FKBP4: variants seen among roughly 807,000 people sequenced by gnomAD.
FKBP4 encodes the protein peptidyl-prolyl cis-trans isomerase FKBP4.
Under a neutral mutation model 54.1 loss-of-function variants are expected in FKBP4, and 28 were observed. The observed-to-expected ratio is 0.52, with a 90% CI of 0.38 to 0.71. The LOEUF is 0.71. FKBP4 is among the 30% of genes least tolerant of loss of function. The pLI, the probability that FKBP4 is intolerant of heterozygous loss-of-function variation, is 0.00. For synonymous variants in FKBP4, 223 were observed against 216.1 expected, an observed-to-expected ratio of 1.03 and a Z score of -0.28; for missense variants, 493 against 574.4, an observed-to-expected ratio of 0.86 and a Z score of 1.45.
chr12:2,798,619 A>C lies in FKBP4; in HGVS notation c.394-87A>C. The C allele has an allele frequency of 6.3e-7, 1 of 1,597,140 alleles. No individual in the cohort carries two copies. The highest frequency in any genetic ancestry group is 2.2e-5 in the East Asian group (1 of 44,492). ...TGTGGTCAGATCCGGCCTGGCAGTT[A>C]GTAGGGACTCTCTCGGATGAGAAAG... On this transcript the variant is annotated intron_variant, in intron 3 of 9. Coordinates refer to ENST00000001008, the MANE Select transcript of FKBP4 (RefSeq NM_002014.4). This position sits in a 1 kb window ranked among gnomAD's most constrained non-coding sequence, Gnocchi z 4.3.
chr12:2,802,306 T>A (rs931360068), intron 9 of FKBP4, among the ~76,000 whole-genome samples: 8 of 151,916 alleles, frequency 5.3e-5, no homozygotes, highest in African/African-American at 1.9e-4. Flanking sequence ...CCCGGCTAAT[T>A]TTTGTATTTT....
intron 1 of FKBP4, chr12:2,796,669 C>T (rs2153919151): frequency 1.8e-6 from 2 of 1,089,962 alleles, no homozygotes; most frequent in Non-Finnish European, 2.2e-6. Context: ...ACTCCTCTCG[C>T]TCTCCTGTCT....
At chr12:2,797,330 G>A (rs1417173351) in intron 2 of FKBP4, 48 bp downstream of exon 2, 1 of 1,605,504 alleles carries the variant, frequency 6.2e-7, no homozygotes, top group African/African-American at 1.3e-5. Flanking sequence ...GTGGACACAA[G>A]CTGTCACAAG....
At position 2,796,143 on chromosome 12, in the gene FKBP4, A is replaced by ATGCC. The variant is rs756680587; in HGVS notation, c.105+901_105+904dup. On this transcript the variant is annotated intron_variant, in intron 1 of 9. Coordinates refer to ENST00000001008, the MANE Select transcript of FKBP4 (RefSeq NM_002014.4). ...ATGGTGAATTCCCAGCCTGCGTCTT[A>ATGCC]TGCCTTCTCCCCATCCGCTGCTGCG... The ATGCC allele has an allele frequency of 3.6e-3, 4,445 of 1,251,706 alleles. 8 individuals carry two copies. Among genetic ancestry groups the ATGCC allele is most frequent in the Non-Finnish European group, 4.2e-3 (4,090 of 970,108 alleles). The allele number at this position is 1,251,706 out of a possible 1,614,324, so 77.5% of individuals were successfully genotyped here. A position where few individuals can be genotyped will look rare whatever the true frequency, so the allele number is the denominator to read the frequency against.
intron 8 of FKBP4, among the ~76,000 whole-genome samples, chr12:2,800,864 T>A (rs2097904353): frequency 6.6e-6 from 1 of 152,258 alleles, no homozygotes; most frequent in African/African-American, 2.4e-5. Flanking sequence ...ACTTGCTTTA[T>A]TCTAAAGTGA....
Position 2,799,235 on chromosome 12 carries a change from T to C in FKBP4, c.662T>C (p.Leu221Pro). The C allele has an allele frequency of 6.6e-7, 1 of 1,515,576 alleles. No individual in the cohort carries two copies. Among genetic ancestry groups the C allele is most frequent in the Non-Finnish European group, 8.8e-7 (1 of 1,132,358 alleles). 93.9% of individuals were successfully genotyped at this position (1,515,576 alleles called of 1,614,324 possible). A position where few individuals can be genotyped will look rare whatever the true frequency, so the allele number is the denominator to read the frequency against. ...AAAGGAGAACATTCCATCGTGTACC[T>C]CAAGCCCAGGTGAGGGGTGGGCACT... ...MEKGEHSIVY[L>P]KPSYAFGSVG... The change falls in exon 5 of 10, where the codon CTC (leucine) becomes CCC (proline). Residue 221 changes from leucine (L) to proline (P), a missense_variant. By Grantham distance (98) the Leu-to-Pro change is moderately conservative. Coordinates refer to ENST00000001008, the MANE Select transcript of FKBP4 (RefSeq NM_002014.4).
rs557785187 is a variant in FKBP4, at chr12:2,794,997, G to C, written c.-143G>C. ...TACCCCAGCTCTCGCGCCGCGTGCA[G>C]AGGTGCTCAAGCCTCCTCGCGGTCC... On this transcript the variant is annotated 5_prime_UTR_variant, in exon 1 of 10. Coordinates refer to ENST00000001008, the MANE Select transcript of FKBP4 (RefSeq NM_002014.4). The C allele has an allele frequency of 2.2e-5, 8 of 367,204 alleles. No individual in the cohort carries two copies. Among genetic ancestry groups the C allele is most frequent in the African/African-American group, 1.5e-4 (7 of 46,688 alleles). 22.7% of individuals were successfully genotyped at this position (367,204 alleles called of 1,614,324 possible).
intron 1 of FKBP4, chr12:2,796,804 TC>T (rs1383499982): frequency 6.4e-6 from 7 of 1,097,854 alleles, no homozygotes; most frequent in Middle Eastern, 4.2e-4. Flanking sequence ...GGTCTAATCT[TC>T]CAACAACTGT....
Position 2,795,394 on chromosome 12 carries a change from G to A in FKBP4, c.105+150G>A. On this transcript the variant is annotated intron_variant, in intron 1 of 9. Transcript: ENST00000001008. This position sits in a 1 kb window ranked among gnomAD's most constrained non-coding sequence, Gnocchi z 4.3. ...CCCGCCGGGGGCCGGTGGCATCGCCGTCCCGGACCGGGCTGCGTCGTTTAA... is the reference window on the plus strand; with the variant it reads ...CCCGCCGGGGGCCGGTGGCATCGCCATCCCGGACCGGGCTGCGTCGTTTAA... 5.0e-6 allele frequency: 1 copy of A among 198,068 alleles called. No homozygotes were observed. Among genetic ancestry groups the A allele is most frequent in the Non-Finnish European group, 9.2e-6 (1 of 108,288 alleles). 12.3% of individuals were successfully genotyped at this position (198,068 alleles called of 1,614,324 possible). A position where few individuals can be genotyped will look rare whatever the true frequency, so the allele number is the denominator to read the frequency against.
At chr12:2,796,241 G>C (rs1209065115) in intron 1 of FKBP4, 1 of 1,289,246 alleles carries the variant, frequency 7.8e-7, no homozygotes, top group South Asian at 1.2e-5. Context: ...ACCTGGTCCA[G>C]AAGTGCATCT....
intron 9 of FKBP4, among the ~76,000 whole-genome samples, chr12:2,802,570 T>C (rs561613782): frequency 2.0e-5 from 3 of 152,234 alleles, no homozygotes; most frequent in Non-Finnish European, 4.4e-5. Flanking sequence ...TTTGTGTATT[T>C]TTCAAACCAT....
In FKBP4 at chr12:2,795,072, C is replaced by T. The variant is rs1423794703; in HGVS notation, c.-68C>T. Reference sequence around the variant, plus strand: ...CTCCCGCACGCCCCGCAGGTAGCGCCCCCGCCCGCGGCCCAGAGTGCGCTC... The same window carrying T: ...CTCCCGCACGCCCCGCAGGTAGCGCTCCCGCCCGCGGCCCAGAGTGCGCTC... On this transcript the variant is annotated 5_prime_UTR_variant, in exon 1 of 10. Coordinates refer to ENST00000001008, the MANE Select transcript of FKBP4 (RefSeq NM_002014.4). The surrounding 1 kb of genome is among the most constrained non-coding windows in gnomAD (Gnocchi z 4.3). 9.7e-7 allele frequency: 1 copy of T among 1,032,234 alleles called. No homozygotes were observed. Among genetic ancestry groups the T allele is most frequent in the Non-Finnish European group, 1.2e-6 (1 of 800,210 alleles). The allele number at this position is 1,032,234 out of a possible 1,614,324, so 63.9% of individuals were successfully genotyped here. A position where few individuals can be genotyped will look rare whatever the true frequency, so the allele number is the denominator to read the frequency against.
Position 2,796,407 on chromosome 12 carries a change from TTTACC to T in FKBP4, c.106-728_106-724del. 2.3e-6 allele frequency: 3 copies of T among 1,287,292 alleles called. No individual in the cohort carries two copies. The South Asian group carries it at 3.7e-5, about 16-fold the overall frequency. 79.7% of individuals were successfully genotyped at this position (1,287,292 alleles called of 1,614,324 possible). A position where few individuals can be genotyped will look rare whatever the true frequency, so the allele number is the denominator to read the frequency against. ...CCCTTTGATCCATCATTCCTTCCCT[TTTACC>T]TTTCTACTCCTCAAAGCCCCTGTCT... On this transcript the variant is annotated intron_variant, in intron 1 of 9. Transcript: ENST00000001008.
intron 9 of FKBP4, among the ~76,000 whole-genome samples, chr12:2,801,981 G>A (rs528965700): frequency 3.3e-5 from 5 of 152,126 alleles, no homozygotes; most frequent in South Asian, 4.1e-4. Context: ...ATGATTTGGC[G>A]CATACTATGC....
intron 3 of FKBP4, 71 bp downstream of exon 3, chr12:2,797,942 C>A: frequency 6.5e-7 from 1 of 1,536,006 alleles, no homozygotes. Context: ...GGCTGCCCTC[C>A]AGCCCTTCCT....
chr12:2,796,464 G>A, intron 1 of FKBP4: 1 of 1,240,248 alleles, frequency 8.1e-7, no homozygotes, highest in Non-Finnish European at 1.0e-6. Flanking sequence ...TTCCCTTGGA[G>A]GGTAACCACA....
rs1209844989 is a variant in FKBP4, at chr12:2,798,289, T to G, written c.394-417T>G. ...AAGGCTTCACTGAGGAGATAGAACT[T>G]GACATTGTTCAATCTGAAAATGGTT... On this transcript the variant is annotated intron_variant, in intron 3 of 9. Transcript: ENST00000001008. The surrounding 1 kb of genome is among the most constrained non-coding windows in gnomAD (Gnocchi z 4.3). 6.6e-6 allele frequency among the ~76,000 whole-genome samples: 1 copy of G among 152,194 alleles called. No individual in the cohort carries two copies. Among genetic ancestry groups the G allele is most frequent in the Non-Finnish European group, 1.5e-5 (1 of 68,032 alleles).
chr12:2,799,016 G>T, intron 4 of FKBP4, 72 bp from the exon 5 acceptor site: 1 of 1,470,258 alleles, frequency 6.8e-7, no homozygotes, highest in Non-Finnish European at 9.2e-7. Flanking sequence ...GTGATGCAGG[G>T]AGGCTGATGG....
In FKBP4 at chr12:2,797,881, T is replaced by G. The variant is rs771600360; in HGVS notation, c.393+10T>G. 2 of 1,610,560 alleles carry G rather than the reference T, an allele frequency of 1.2e-6. No individual in the cohort carries two copies. The highest frequency in any genetic ancestry group is 1.7e-6 in the Non-Finnish European group (2 of 1,177,626). On this transcript the variant is annotated intron_variant, in intron 3 of 9. Coordinates refer to ENST00000001008, the MANE Select transcript of FKBP4 (RefSeq NM_002014.4). ...CACGCTTGTATTTGAGGTGAGTGTTTGGTCACTGAGATCCAGGCTAAGAGC... is the reference window on the plus strand; with the variant it reads ...CACGCTTGTATTTGAGGTGAGTGTTGGGTCACTGAGATCCAGGCTAAGAGC...
Sources: gnomAD v4.1 joint callset for allele counts (sites outside exome capture counted in the v4.1 genomes callset) on GRCh38, gnomAD v4.1.1 for gene constraint, Gnocchi (gnomAD v3.1) non-coding constraint, MANE v1.5 for transcripts, NCBI Gene and HGNC (gene_info 2026-07-23, HGNC 2026-07-21) for gene names.